The following ABCG8 variants were observed in gnomAD, a reference collection of about 807,000 sequenced individuals.
ABCG8 encodes the protein ATP-binding cassette sub-family G member 8.
ABCG8 carries 81 observed loss-of-function variants against 71.3 expected under a neutral mutation model. The observed-to-expected ratio is 1.14, with a 90% CI of 0.95 to 1.37. The LOEUF is 1.37. Ranked by LOEUF, ABCG8 falls within the 40% of genes most tolerant of loss-of-function variation. ABCG8 has a pLI of 0.00. For synonymous variants in ABCG8, 451 were observed against 354.7 expected (o/e 1.27, Z -3.05); for missense variants, 1,119 against 866.2 (o/e 1.29, Z -3.66).
chr2:43,839,061 G>C lies in ABCG8; in HGVS notation c.8G>C (p.Gly3Ala), dbSNP rs778143236. The C allele has an allele frequency of 2.6e-6, 4 of 1,551,092 alleles. No homozygotes were observed. The highest frequency in any genetic ancestry group is 3.5e-6 in the Non-Finnish European group (4 of 1,146,794). The change falls in exon 1 of 13, where the codon GGG (glycine) becomes GCG (alanine). Residue 3 changes from glycine (G) to alanine (A), a missense_variant. Gly to Ala is a moderately conservative substitution (Grantham distance 60). Transcript: ENST00000272286. Reference sequence around the variant, plus strand: ...CACAGACCTGTGGGCCCCATGGCCGGGAAGGCGGCAGAGGAGAGAGGGCTG... The same window carrying C: ...CACAGACCTGTGGGCCCCATGGCCGCGAAGGCGGCAGAGGAGAGAGGGCTG... Reference protein sequence around the residue: MAGKAAEERGLPK... With the variant: MAAKAAEERGLPK...
chr2:43,860,564 T>C (rs1197967146), intron 6 of ABCG8, among the ~76,000 whole-genome samples: 1 of 151,444 alleles, frequency 6.6e-6, no homozygotes, highest in Non-Finnish European at 1.5e-5. Flanking sequence ...TCTCACTATC[T>C]GGATAGAATT....
In ABCG8 at chr2:43,873,898, C is replaced by T; in HGVS notation, c.1323C>T (p.Ile441=). ...IGFLYFGHGS[I]QLSFMDTAAL... ...TCCTCTATTTTGGCCATGGGAGCAT[C>T]CAGCTCTCCTTCATGGATACAGCCG... The change falls in exon 9 of 13, where the codon ATC becomes ATT. Residue 441 remains isoleucine (I), a synonymous_variant. Transcript: ENST00000272286. 1 of 1,614,084 alleles carries T rather than the reference C, an allele frequency of 6.2e-7. No homozygotes were observed. Among genetic ancestry groups the T allele is most frequent in the Non-Finnish European group, 8.5e-7 (1 of 1,180,020 alleles).
chr2:43,853,336 C>G (rs1370901012), intron 6 of ABCG8, among the ~76,000 whole-genome samples: 1 of 152,172 alleles, frequency 6.6e-6, no homozygotes, highest in African/African-American at 2.4e-5. Flanking sequence ...GTGAAAATTG[C>G]TCTGGCAGCC....
chr2:43,851,898 C>G, intron 4 of ABCG8, 76 bp downstream of exon 4: 2 of 1,514,392 alleles, frequency 1.3e-6, no homozygotes, highest in Admixed American at 3.3e-5. Flanking sequence ...CCCCTGCTGC[C>G]TTGCCTCAGG....
At chr2:43,869,339 C>A (rs1669667585) in intron 6 of ABCG8, among the ~76,000 whole-genome samples, 1 of 151,772 alleles carries the variant, frequency 6.6e-6, no homozygotes, top group Admixed American at 6.6e-5. Context: ...GGATAGAATT[C>A]TTACCCTCTG....
intron 3 of ABCG8, chr2:43,848,209 A>G (rs536766592): frequency 2.0e-5 from 3 of 152,360 alleles, no homozygotes; most frequent in South Asian, 4.1e-4. Flanking sequence ...TGATTAATGA[A>G]TCTGGCAGCA....
rs1670087395 is a variant in ABCG8, at chr2:43,880,077, A to T, written c.*2164A>T. 1 of 151,908 alleles carries T rather than the reference A, an allele frequency of 6.6e-6. No individual in the cohort carries two copies. Among genetic ancestry groups the T allele is most frequent in the African/African-American group, 2.4e-5 (1 of 41,326 alleles). 9.4% of individuals were successfully genotyped at this position (151,908 alleles called of 1,614,324 possible). On this transcript the variant is annotated 3_prime_UTR_variant, in exon 13 of 13. Coordinates refer to ENST00000272286, the MANE Select transcript of ABCG8 (RefSeq NM_022437.3). ...TGCTCAGCTTGTCCCTGATTTGGCC[A>T]GTGGGAACCCCGTCGAGCTGGCTTC...
chr2:43,853,893 G>C (rs1489859942), intron 6 of ABCG8, among the ~76,000 whole-genome samples: 1 of 152,116 alleles, frequency 6.6e-6, no homozygotes, highest in East Asian at 1.9e-4. Flanking sequence ...CAGGAGGACA[G>C]GCCGCCCCTT....
chr2:43,871,876 G>A lies in ABCG8; in HGVS notation c.965-100G>A, dbSNP rs188014093. ...GGGAGAATGTCCCAGAGCCCCACGA[G>A]GGGTGATCAGCATTGTGAGCTGGGC... On this transcript the variant is annotated intron_variant, in intron 6 of 12. Coordinates refer to ENST00000272286, the MANE Select transcript of ABCG8 (RefSeq NM_022437.3). 3.3e-4 allele frequency: 503 copies of A among 1,536,934 alleles called. No homozygotes were observed. In the African/African-American group the frequency reaches 6.1e-3, roughly 19 times the overall value.
At chr2:43,853,953 C>A (rs4148215) in intron 6 of ABCG8, among the ~76,000 whole-genome samples, 31,879 of 152,090 alleles carry the variant, frequency 0.21, 3,549 homozygotes, top group African/African-American at 0.27. Context: ...TCACCTCCCT[C>A]CCTGTGCTCA....
At chr2:43,852,562 C>G in intron 5 of ABCG8, 37 bp from the exon 6 acceptor site, 1 of 1,613,986 alleles carries the variant, frequency 6.2e-7, no homozygotes, top group Non-Finnish European at 8.5e-7. Flanking sequence ...TGGCCAGAGC[C>G]CCACCGACTC....
Position 43,875,359 on chromosome 2 carries a change from A to G in ABCG8, c.1702A>G (p.Asn568Asp). 1 of 1,614,074 alleles carries G rather than the reference A, an allele frequency of 6.2e-7. No homozygotes were observed. The highest frequency in any genetic ancestry group is 8.5e-7 in the Non-Finnish European group (1 of 1,180,036). Residue 568 changes from asparagine (N) to aspartate (D), a missense_variant, in exon 11 of 13, where the codon AAC becomes GAC. Physicochemically the swap from Asn to Asp is conservative, Grantham distance 23. Coordinates refer to ENST00000272286, the MANE Select transcript of ABCG8 (RefSeq NM_022437.3). ...MASFFSNALY[N>D]SFYLAGGFMI... is the part of the protein sequence containing the mutation. The stretch of plus-strand genomic sequence containing the variant: ...CTCCTTCTTCAGCAATGCCCTCTAC[A>G]ACTCCTTCTACCTCGCCGGGGGCTT...
In ABCG8 at chr2:43,874,512, C is replaced by CCCT. The variant is rs1553383808; in HGVS notation, c.1488+31_1488+32insTCC. The CCCT allele has an allele frequency of 2.6e-6, 4 of 1,563,056 alleles. No individual in the cohort carries two copies. In the South Asian group the frequency reaches 3.3e-5, roughly 13 times the overall value. On this transcript the variant is annotated intron_variant, in intron 10 of 12. Coordinates refer to ENST00000272286, the MANE Select transcript of ABCG8 (RefSeq NM_022437.3). ...ACTGGGCAGGGTTGAGAGCAAGTGCCCCCCACCCACCAGGGTGGGGGTAAG... is the reference window on the plus strand; with the variant it reads ...ACTGGGCAGGGTTGAGAGCAAGTGCCCCTCCCCACCCACCAGGGTGGGGGTAAG...
intron 1 of ABCG8, 61 bp from the exon 2 acceptor site, chr2:43,844,446 G>T: frequency 7.1e-7 from 1 of 1,401,206 alleles, no homozygotes; most frequent in Non-Finnish European, 1.0e-6. Flanking sequence ...TTTCCTTCTT[G>T]TCTTCTCCTA....
chr2:43,863,929 T>G (rs867563896), intron 6 of ABCG8, among the ~76,000 whole-genome samples: 3 of 151,516 alleles, frequency 2.0e-5, no homozygotes, highest in Middle Eastern at 6.8e-3. Context: ...CGGAAACATC[T>G]CTCACAATCT....
chr2:43,867,560 C>T (rs114912290), intron 6 of ABCG8, among the ~76,000 whole-genome samples: 7,841 of 146,228 alleles, frequency 0.054, 229 homozygotes, highest in Middle Eastern at 0.12. Context: ...ACTATCTGTC[C>T]AGATAGAATT....
intron 1 of ABCG8, among the ~76,000 whole-genome samples, chr2:43,840,492 G>T (rs989914870): frequency 6.6e-6 from 1 of 152,186 alleles, no homozygotes; most frequent in African/African-American, 2.4e-5. Flanking sequence ...CCTTCTGTCC[G>T]ATCCTGTCAC....
intron 6 of ABCG8, among the ~76,000 whole-genome samples, chr2:43,871,527 C>T (rs1425331815): frequency 6.6e-6 from 1 of 151,884 alleles, no homozygotes; most frequent in African/African-American, 2.4e-5. Context: ...AGCCTAACTA[C>T]TCAGCCTCCC....
chr2:43,872,433 G>C (rs1669815839), intron 8 of ABCG8, 127 bp downstream of exon 8: 1 of 1,137,756 alleles, frequency 8.8e-7, no homozygotes, highest in Non-Finnish European at 1.3e-6. Flanking sequence ...GAAAAAAACA[G>C]CATCCAGCAG....
Sources: gnomAD v4.1 joint callset for allele counts (sites outside exome capture counted in the v4.1 genomes callset) on GRCh38, gnomAD v4.1.1 for gene constraint, MANE v1.5 for transcripts, NCBI Gene and HGNC (gene_info 2026-07-23, HGNC 2026-07-21) for gene names.